Variants in DBF4B observed in about 807,000 individuals in gnomAD.
The protein encoded by DBF4B is DBF4B-CDC7 kinase regulatory subunit, also known as protein DBF4 homolog B.
A neutral mutation model predicts 53.4 loss-of-function variants in DBF4B; 49 were observed. The ratio of observed to expected loss-of-function variants is 0.92; its 90% CI spans 0.73 to 1.16. DBF4B has a LOEUF of 1.16. DBF4B is among the 50% of genes most tolerant of loss of function. DBF4B has a pLI of 0.00. For missense variants in DBF4B, 692 were observed against 775.0 expected (o/e 0.89, Z 1.27); for synonymous variants, 257 against 288.7 (o/e 0.89, Z 1.11).
intron 2 of DBF4B, among the ~76,000 whole-genome samples, chr17:44,714,569 C>G (rs1037704728): frequency 6.6e-6 from 1 of 151,982 alleles, no homozygotes; most frequent in African/African-American, 2.4e-5. Context: ...CAAGATTTCT[C>G]TGTGCCTCAG....
At chr17:44,750,240 T>C (rs1340058180) in intron 13 of DBF4B, 1 of 1,030,348 alleles carries the variant, frequency 9.7e-7, no homozygotes, top group Non-Finnish European at 1.2e-6. Flanking sequence ...TTGCTATCGA[T>C]TCTCTGGCCA....
At position 44,749,638 on chromosome 17, in the gene DBF4B, C is replaced by T. The variant is rs2049225470; in HGVS notation, c.1190-957C>T. 2.5e-6 allele frequency: 3 copies of T among 1,180,092 alleles called. No homozygotes were observed. The highest frequency in any genetic ancestry group is 3.2e-6 in the Non-Finnish European group (3 of 936,318). 73.1% of individuals were successfully genotyped at this position (1,180,092 alleles called of 1,614,324 possible). A position where few individuals can be genotyped will look rare whatever the true frequency, so the allele number is the denominator to read the frequency against. Reference sequence around the variant, plus strand: ...CATGTTCCTGACCAGGCAGAGTCTACAGTGGGCTTGCCCAGCTGAGGCTGG... The same window carrying T: ...CATGTTCCTGACCAGGCAGAGTCTATAGTGGGCTTGCCCAGCTGAGGCTGG... On this transcript the variant is annotated intron_variant, in intron 13 of 13. Coordinates refer to ENST00000315005, the MANE Select transcript of DBF4B (RefSeq NM_145663.3). The surrounding 1 kb of genome is among the most constrained non-coding windows in gnomAD (Gnocchi z 4.4).
Position 44,734,176 on chromosome 17 carries a change from G to T in DBF4B, c.630+13G>T, listed in dbSNP as rs1228573386. On this transcript the variant is annotated intron_variant, in intron 7 of 13. Coordinates refer to ENST00000315005, the MANE Select transcript of DBF4B (RefSeq NM_145663.3). ...AAAGAAGCCAGAGGTAGGTCATCCT[G>T]CTGAACTGAAGGACAAATGGATGGT... 2 of 1,614,084 alleles carry T rather than the reference G, an allele frequency of 1.2e-6. No individual in the cohort carries two copies. Among genetic ancestry groups the T allele is most frequent in the Admixed American group, 1.7e-5 (1 of 60,000 alleles).
In DBF4B at chr17:44,751,079, G is replaced by T. The variant is rs549305144; in HGVS notation, c.1674G>T (p.Val558=). ...LTQSLWCRVR[V]PSLSTAGPIP... ...AAAGCCTGTGGTGCCGGGTTCGGGT[G>T]CCCTCATTGTCAACTGCAGGACCCA... is the stretch of plus-strand genomic sequence containing the variant. The change falls in exon 14 of 14, where the codon GTG becomes GTT. Residue 558 remains valine (V), a synonymous_variant. Coordinates refer to ENST00000315005, the MANE Select transcript of DBF4B (RefSeq NM_145663.3). 1 of 1,614,076 alleles carries T rather than the reference G, an allele frequency of 6.2e-7. No individual in the cohort carries two copies. Among genetic ancestry groups the T allele is most frequent in the South Asian group, 1.1e-5 (1 of 91,078 alleles).
At chr17:44,745,939 G>A (rs931811768) in intron 10 of DBF4B, among the ~76,000 whole-genome samples, 1 of 151,728 alleles carries the variant, frequency 6.6e-6, no homozygotes, top group African/African-American at 2.4e-5. Flanking sequence ...CGGATGTGGT[G>A]ACTCAGTCCT....
At chr17:44,732,124 C>T in intron 5 of DBF4B, 54 bp from the exon 6 acceptor site, 2 of 1,587,378 alleles carry the variant, frequency 1.3e-6, no homozygotes, top group Non-Finnish European at 1.7e-6. Flanking sequence ...GTCCCCTTCA[C>T]TTTCAGGCCT....
rs1425702624 is a variant in DBF4B at position 44,749,430 on chromosome 17, G to C, written c.1189+965G>C. 7.8e-7 allele frequency: 1 copy of C among 1,289,438 alleles called. No homozygotes were observed. The allele number at this position is 1,289,438 out of a possible 1,614,324, so 79.9% of individuals were successfully genotyped here. ...CCGGCCAGGGCTGACCAGGACGCAG[G>C]AGGGGCAGAACCCCAGGACTTCCCC... On this transcript the variant is annotated intron_variant, in intron 13 of 13. Coordinates refer to ENST00000315005, the MANE Select transcript of DBF4B (RefSeq NM_145663.3). This position sits in a 1 kb window ranked among gnomAD's most constrained non-coding sequence, Gnocchi z 4.4.
rs780772310 is a variant in DBF4B at position 44,750,835 on chromosome 17, C to T, written c.1430C>T (p.Pro477Leu). The T allele has an allele frequency of 6.2e-7, 1 of 1,614,230 alleles. No individual in the cohort carries two copies. Among genetic ancestry groups the T allele is most frequent in the Non-Finnish European group, 8.5e-7 (1 of 1,180,048 alleles). The change falls in exon 14 of 14, where the codon CCC becomes CTC. Residue 477 changes from proline to leucine, a missense_variant. This residue lies in a region of DBF4B where 597 missense variants were observed against 665.8 expected (regional missense o/e 0.90). Coordinates refer to ENST00000315005, the MANE Select transcript of DBF4B (RefSeq NM_145663.3). ...CCTGCAGAGGACATGCCCCTCCATC[C>T]CTCCCAAGAAAACTCCTTTGCCCCG... ...WSPAEDMPLHPSQENSFAPAD... is the reference protein window; with the variant it reads ...WSPAEDMPLHLSQENSFAPAD...
chr17:44,719,538 A>C (rs913416508), intron 2 of DBF4B, among the ~76,000 whole-genome samples: 4 of 152,196 alleles, frequency 2.6e-5, no homozygotes, highest in African/African-American at 9.7e-5. Context: ...TAGAGTCATA[A>C]AATGTGTAGT....
At chr17:44,736,969 C>T (rs1437538055) in intron 8 of DBF4B, 103 bp downstream of exon 8, 1 of 1,361,220 alleles carries the variant, frequency 7.3e-7, no homozygotes, top group African/African-American at 1.4e-5. Flanking sequence ...TCTGTGGCAG[C>T]AAGCGAGTCC....
At chr17:44,710,467 T>G (rs1307028348) in intron 2 of DBF4B, among the ~76,000 whole-genome samples, 1 of 152,262 alleles carries the variant, frequency 6.6e-6, no homozygotes, top group Non-Finnish European at 1.5e-5. Flanking sequence ...CTCCTTGTTT[T>G]CTTCAGCATT....
intron 6 of DBF4B, 97 bp from the exon 7 acceptor site, chr17:44,733,991 GGC>G: frequency 1.0e-6 from 1 of 957,270 alleles, no homozygotes; most frequent in Non-Finnish European, 1.7e-6. Context: ...TGATTCAGTG[GGC>G]TGGCCCAGCG....
chr17:44,708,808 G>A lies in DBF4B; in HGVS notation c.-13G>A. The A allele has an allele frequency of 6.4e-7, 1 of 1,551,502 alleles. No homozygotes were observed. Among genetic ancestry groups the A allele is most frequent in the Non-Finnish European group, 8.7e-7 (1 of 1,146,976 alleles). On this transcript the variant is annotated 5_prime_UTR_variant, in exon 1 of 14. Transcript: ENST00000315005. Reference sequence around the variant, plus strand: ...AGGAAGGAGTACGGAGGCCGAGAAGGAGCCGGCATTTGATGAGCGAACCGG... The same window carrying A: ...AGGAAGGAGTACGGAGGCCGAGAAGAAGCCGGCATTTGATGAGCGAACCGG...
intron 9 of DBF4B, among the ~76,000 whole-genome samples, chr17:44,739,086 CCT>C (rs1975744131): frequency 6.6e-6 from 1 of 152,112 alleles, no homozygotes; most frequent in Non-Finnish European, 1.5e-5. Context: ...TCCTGCCTAC[CCT>C]GTCTTGTGTC....
chr17:44,749,541 C>G lies in DBF4B; in HGVS notation c.1190-1054C>G. On this transcript the variant is annotated intron_variant, in intron 13 of 13. Coordinates refer to ENST00000315005, the MANE Select transcript of DBF4B (RefSeq NM_145663.3). The surrounding 1 kb of genome is among the most constrained non-coding windows in gnomAD (Gnocchi z 4.4). Reference sequence around the variant, plus strand: ...CAGCTCCATGGAGCTGACAGAGCCACCCCTCCCACTGGCCAGGTCTTTGGG... The same window carrying G: ...CAGCTCCATGGAGCTGACAGAGCCAGCCCTCCCACTGGCCAGGTCTTTGGG... 8.2e-7 allele frequency: 1 copy of G among 1,226,676 alleles called. No homozygotes were observed. Among genetic ancestry groups the G allele is most frequent in the Non-Finnish European group, 1.0e-6 (1 of 957,898 alleles). 76.0% of individuals were successfully genotyped at this position (1,226,676 alleles called of 1,614,324 possible).
intron 2 of DBF4B, among the ~76,000 whole-genome samples, chr17:44,712,222 T>C (rs1187446047): frequency 2.0e-5 from 3 of 152,004 alleles, no homozygotes; most frequent in African/African-American, 7.2e-5. Flanking sequence ...TTTAACTATT[T>C]CTTCTAGAAG....
At position 44,722,953 on chromosome 17, in the gene DBF4B, C is replaced by G. The variant is rs1973984771; in HGVS notation, c.156C>G (p.Ser52=). The change falls in exon 3 of 14, where the codon TCC becomes TCG. Residue 52 remains serine (S), a synonymous_variant. Coordinates refer to ENST00000315005, the MANE Select transcript of DBF4B (RefSeq NM_145663.3). ...GARKHPFSGK[S]FYLDLPAGKN... ...GGAAGCATCCCTTTTCCGGAAAGTC[C>G]TTTTACTTGGATCTGCCTGCTGGCA... The G allele has an allele frequency of 6.2e-7, 1 of 1,614,176 alleles. No homozygotes were observed. Among genetic ancestry groups the G allele is most frequent in the Non-Finnish European group, 8.5e-7 (1 of 1,180,030 alleles).
chr17:44,708,768 A>G lies in DBF4B; in HGVS notation c.-53A>G, dbSNP rs1029475892. On this transcript the variant is annotated 5_prime_UTR_variant, in exon 1 of 14. An upstream open reading frame in the 5' UTR loses its in-frame stop. Transcript: ENST00000315005. The stretch of plus-strand genomic sequence containing the variant: ...AGAGCTCATGGAGCTCGCGAATGTA[A>G]TACGGAGGCCTCTGAGGAAGGAGTA... 3.2e-6 allele frequency: 5 copies of G among 1,546,368 alleles called. No individual in the cohort carries two copies. Among genetic ancestry groups the G allele is most frequent in the Non-Finnish European group, 3.5e-6 (4 of 1,144,106 alleles).
intron 7 of DBF4B, 60 bp downstream of exon 7, chr17:44,734,223 C>T (rs751639535): frequency 6.2e-7 from 1 of 1,608,030 alleles, no homozygotes; most frequent in Non-Finnish European, 8.5e-7. Flanking sequence ...TCAGTGACAA[C>T]TTAGGTAAAT....
Sources: allele counts gnomAD v4.1 joint callset (sites outside exome capture counted in the v4.1 genomes callset), GRCh38; gene constraint gnomAD v4.1.1; regional missense constraint gnomAD v4.1.1; non-coding constraint Gnocchi (gnomAD v3.1); transcripts MANE v1.5; gene names NCBI Gene and HGNC (gene_info 2026-07-23, HGNC 2026-07-21).